SPART: variants seen among roughly 807,000 people sequenced by gnomAD.
SPART encodes spartin, also known as spastic paraplegia 20 (Troyer syndrome).
Under a neutral mutation model 58.7 loss-of-function variants are expected in SPART, and 35 were observed. That is an observed-to-expected ratio of 0.60 (90% CI 0.46 to 0.79). SPART has a LOEUF of 0.79. Among genes scored for constraint, SPART ranks in the 30% least tolerant of loss-of-function variants. The pLI, the probability that SPART is intolerant of heterozygous loss-of-function variation, is 0.00. For synonymous variants in SPART, 284 were observed against 280.7 expected, an observed-to-expected ratio of 1.01 and a Z score of -0.12; for missense variants, 730 against 786.1, an observed-to-expected ratio of 0.93 and a Z score of 0.85.
intron 1 of SPART, 140 bp from the exon 2 acceptor site, chr13:36,335,972 C>A (rs1010685741): frequency 2.9e-6 from 2 of 699,368 alleles, no homozygotes; most frequent in Admixed American, 2.3e-5. Flanking sequence ...TCCTTTAAGC[C>A]TACTATTAGG....
At chr13:36,365,977 C>A in intron 1 of SPART, 1 of 173,058 alleles carries the variant, frequency 5.8e-6, no homozygotes. Flanking sequence ...CATTTCTCAC[C>A]TGGATTCCTG....
At chr13:36,329,985 T>G (rs979227707) in intron 3 of SPART, among the ~76,000 whole-genome samples, 1 of 152,188 alleles carries the variant, frequency 6.6e-6, no homozygotes, top group Non-Finnish European at 1.5e-5. Flanking sequence ...TAAAAACCAG[T>G]CAAAATTATA....
At chr13:36,326,825 C>A (rs1882984022) in intron 4 of SPART, 127 bp from the exon 5 acceptor site, 3 of 1,015,466 alleles carry the variant, frequency 3.0e-6, no homozygotes, top group Non-Finnish European at 2.9e-6. Flanking sequence ...CTCCAGCCAA[C>A]CTAGTTACCA....
rs1164136818 is a variant in SPART, at chr13:36,318,819, T to C, written c.1289-4398A>G. On this transcript the variant is annotated intron_variant, in intron 5 of 8. Transcript: ENST00000438666. ...GGGACCCCACTGAAAATCGGACTGT[T>C]CAACTCACCTGGCAGCCACTCCCAG... is the stretch of plus-strand genomic sequence containing the variant. Among the ~76,000 whole-genome samples the C allele has an allele frequency of 4.7e-3, 721 of 152,182 alleles. 6 individuals carry two copies. Among genetic ancestry groups the C allele is most frequent in the African/African-American group, 0.016 (678 of 41,554 alleles).
intron 5 of SPART, among the ~76,000 whole-genome samples, chr13:36,325,600 A>C (rs1566122459): frequency 6.6e-6 from 1 of 152,220 alleles, no homozygotes; most frequent in Admixed American, 6.5e-5. Context: ...TTTAAAAAAC[A>C]AAATAAAAGG....
At chr13:36,335,914 A>C in intron 1 of SPART, 82 bp from the exon 2 acceptor site, 1 of 1,114,222 alleles carries the variant, frequency 9.0e-7, no homozygotes, top group South Asian at 1.2e-5. Flanking sequence ...AATATATTTT[A>C]AGAGGACAAG....
intron 1 of SPART, among the ~76,000 whole-genome samples, chr13:36,358,315 A>G (rs1345544567): frequency 1.3e-5 from 2 of 152,122 alleles, no homozygotes; most frequent in Non-Finnish European, 2.9e-5. Flanking sequence ...TGTGTCTTTA[A>G]AAAATAAAGC....
intron 1 of SPART, chr13:36,365,590 A>T: frequency 2.1e-6 from 1 of 469,660 alleles, no homozygotes; most frequent in Non-Finnish European, 4.4e-6. Context: ...AGCACAGATG[A>T]AGGATATTGG....
At chr13:36,337,129 A>C (rs577181815) in intron 1 of SPART, among the ~76,000 whole-genome samples, 15 of 152,338 alleles carry the variant, frequency 9.8e-5, no homozygotes, top group African/African-American at 3.4e-4. Flanking sequence ...CTGTGGTTTC[A>C]GTTACCTGCA....
intron 4 of SPART, among the ~76,000 whole-genome samples, chr13:36,328,726 C>G (rs1883183201): frequency 6.6e-6 from 1 of 151,930 alleles, no homozygotes; most frequent in African/African-American, 2.4e-5. Flanking sequence ...ATACTCAGAG[C>G]CTATGAAATG....
intron 2 of SPART, among the ~76,000 whole-genome samples, chr13:36,331,898 A>G (rs1020506601): frequency 6.6e-6 from 1 of 152,238 alleles, no homozygotes; most frequent in Non-Finnish European, 1.5e-5. Flanking sequence ...GCTTTAAATA[A>G]ATAATAATCA....
At chr13:36,345,250 CAG>C (rs1350590818) in intron 1 of SPART, among the ~76,000 whole-genome samples, 1 of 152,162 alleles carries the variant, frequency 6.6e-6, no homozygotes, top group Non-Finnish European at 1.5e-5. Context: ...AACGACGTTT[CAG>C]AGAGTGCCAG....
chr13:36,323,095 C>A (rs542345933), intron 5 of SPART, among the ~76,000 whole-genome samples: 7 of 151,936 alleles, frequency 4.6e-5, no homozygotes, highest in African/African-American at 1.7e-4. Context: ...CACTCTCAAC[C>A]CTAGGATGAT....
rs2137493576 is a variant in SPART at position 36,329,275 on chromosome 13, A to G, written c.1164+87T>C. The G allele has an allele frequency of 4.1e-6, 6 of 1,472,548 alleles. No individual in the cohort carries two copies. In the East Asian group the frequency reaches 9.1e-5, roughly 22 times the overall value. 91.2% of individuals were successfully genotyped at this position (1,472,548 alleles called of 1,614,324 possible). On this transcript the variant is annotated intron_variant, in intron 4 of 8. Transcript: ENST00000438666. ...AATGCACAAGTTGCTTTGCTTTAGT[A>G]TATGGGAATATGATCATATAAATAC... is the stretch of plus-strand genomic sequence containing the variant.
rs552558023 is a variant in SPART, at chr13:36,303,399, A to G, written c.*966T>C. The G allele has an allele frequency of 2.0e-5, 3 of 152,192 alleles. No individual in the cohort carries two copies. The highest frequency in any genetic ancestry group is 4.4e-5 in the Non-Finnish European group (3 of 68,006). 9.4% of individuals were successfully genotyped at this position (152,192 alleles called of 1,614,324 possible). A position where few individuals can be genotyped will look rare whatever the true frequency, so the allele number is the denominator to read the frequency against. On this transcript the variant is annotated 3_prime_UTR_variant, in exon 9 of 9. Coordinates refer to ENST00000438666, the MANE Select transcript of SPART (RefSeq NM_015087.5). ...GTGGAAACCATAATGCCTATCCACC[A>G]TGGATTACGTCTAAGGTTTTCATAT...
intron 5 of SPART, among the ~76,000 whole-genome samples, chr13:36,322,803 AAATTG>A (rs1356312666): frequency 1.3e-5 from 2 of 152,200 alleles, no homozygotes; most frequent in African/African-American, 2.4e-5. Context: ...ATCAAAGTAT[AAATTG>A]AATATATGAT....
intron 1 of SPART, among the ~76,000 whole-genome samples, chr13:36,365,107 C>T (rs1886006861): frequency 6.6e-6 from 1 of 152,242 alleles, no homozygotes; most frequent in African/African-American, 2.4e-5. Context: ...CTTCCTACTC[C>T]TTTCCACGTG....
Position 36,335,644 on chromosome 13 carries a change from CTT to C in SPART, c.185_186del (p.Lys62ArgfsTer3), listed in dbSNP as rs1260425549. ...CACCCAGGACCTGTGTGTTCAGACT[CTT>C]TTGATGAAATGCTGATCCCTCTGAG... ...HLLRGISISS[K>X]ESEHTGPGWE... is the part of the protein sequence containing the mutation. On this transcript the variant is annotated frameshift_variant, in exon 2 of 9. Coordinates refer to ENST00000438666, the MANE Select transcript of SPART (RefSeq NM_015087.5). LOFTEE classifies it high-confidence loss of function. The C allele has an allele frequency of 6.2e-7, 1 of 1,614,126 alleles. No homozygotes were observed. The highest frequency in any genetic ancestry group is 8.5e-7 in the Non-Finnish European group (1 of 1,180,018).
chr13:36,325,911 A>C (rs1415564972), intron 5 of SPART: 1 of 152,398 alleles, frequency 6.6e-6, no homozygotes, highest in East Asian at 1.9e-4. Context: ...AAATATCATA[A>C]ACTAGTAGCT....
Sources: allele counts gnomAD v4.1 joint callset (sites outside exome capture counted in the v4.1 genomes callset), GRCh38; gene constraint gnomAD v4.1.1; transcripts MANE v1.5; gene names NCBI Gene and HGNC (gene_info 2026-07-23, HGNC 2026-07-21).